TRPM3: variants seen among roughly 807,000 people sequenced by gnomAD.
TRPM3 encodes transient receptor potential cation channel subfamily M member 3, also known as long transient receptor potential channel 3.
In TRPM3, 77 loss-of-function variants were observed where a neutral mutation model predicts 181.2. The observed-to-expected ratio is 0.42, with a 90% confidence interval of 0.35 to 0.51. The LOEUF (loss-of-function observed/expected upper bound fraction) is 0.51, where lower values mean the gene tolerates loss of function less well. Ranked by LOEUF, TRPM3 falls within the 20% of genes least tolerant of loss-of-function variation. The pLI is 0.01. For missense variants in TRPM3, 1,759 were observed against 2,196.7 expected (o/e 0.80, Z 3.98); for synonymous variants, 745 against 796.4 (o/e 0.94, Z 1.09).
intron 1 of TRPM3, among the ~76,000 whole-genome samples, chr9:71,412,168 C>A (rs1401465333): frequency 1.3e-5 from 2 of 152,048 alleles, no homozygotes; most frequent in African/African-American, 4.8e-5. Context: ...TAGGCAATAC[C>A]ATTCAGGACA....
intron 7 of TRPM3, among the ~76,000 whole-genome samples, chr9:70,763,486 G>A (rs549919066): frequency 6.6e-6 from 1 of 152,048 alleles, no homozygotes; most frequent in South Asian, 2.1e-4. Context: ...TGGGTGACAG[G>A]GCCAGAACCT....
intron 1 of TRPM3, among the ~76,000 whole-genome samples, chr9:71,007,185 C>T (rs1017742865): frequency 4.0e-5 from 6 of 148,356 alleles, no homozygotes; most frequent in Admixed American, 2.7e-4. Flanking sequence ...CACATAAACC[C>T]AATATTGTGA....
intron 7 of TRPM3, among the ~76,000 whole-genome samples, chr9:70,780,732 T>C (rs1431723054): frequency 1.1e-4 from 17 of 152,202 alleles, no homozygotes; most frequent in Admixed American, 1.1e-3. Context: ...ATTGCTTTCC[T>C]GGAGCAAGAG....
At chr9:70,793,524 C>T (rs894387612) in intron 6 of TRPM3, 3 of 407,482 alleles carry the variant, frequency 7.4e-6, no homozygotes, top group African/African-American at 2.1e-5. Context: ...CATATAAACA[C>T]ATATAAACAT....
chr9:70,562,333 C>A (rs1287737814), intron 22 of TRPM3, among the ~76,000 whole-genome samples: 1 of 152,120 alleles, frequency 6.6e-6, no homozygotes, highest in Non-Finnish European at 1.5e-5. Flanking sequence ...ATCCCAGGAG[C>A]CAACTGTAGG....
chr9:71,056,517 C>T (rs1352857563), intron 1 of TRPM3, among the ~76,000 whole-genome samples: 1 of 151,892 alleles, frequency 6.6e-6, no homozygotes, highest in Non-Finnish European at 1.5e-5. Flanking sequence ...GTTTTGTCTG[C>T]CAAAATTCAT....
chr9:71,225,704 T>G (rs2080560142), intron 1 of TRPM3, among the ~76,000 whole-genome samples: 1 of 152,060 alleles, frequency 6.6e-6, no homozygotes, highest in Non-Finnish European at 1.5e-5. Context: ...GTCACCCAAG[T>G]TGGAATGCAG....
chr9:70,573,927 C>A (rs187277441), intron 22 of TRPM3, among the ~76,000 whole-genome samples: 152 of 151,160 alleles, frequency 1.0e-3, no homozygotes, highest in African/African-American at 3.5e-3. Context: ...GTTCTGGTAA[C>A]CCTTGGATTG....
chr9:71,181,663 T>C (rs1231248973), intron 1 of TRPM3, among the ~76,000 whole-genome samples: 5 of 152,114 alleles, frequency 3.3e-5, no homozygotes, highest in Admixed American at 3.3e-4. Flanking sequence ...TTTTTCTCTT[T>C]GAAACAAAAA....
intron 20 of TRPM3, among the ~76,000 whole-genome samples, chr9:70,599,805 T>A (rs2059574382): frequency 6.6e-6 from 1 of 152,214 alleles, no homozygotes; most frequent in Non-Finnish European, 1.5e-5. Context: ...TATCACTATA[T>A]GAAGTTATCT....
Position 71,443,104 on chromosome 9 carries a change from A to T in TRPM3, c.183+3549T>A, listed in dbSNP as rs145647035. Among the ~76,000 whole-genome samples the T allele has an allele frequency of 3.0e-3, 450 of 152,320 alleles. 2 individuals carry two copies. The highest frequency in any genetic ancestry group is 0.011 in the African/African-American group (439 of 41,568). On this transcript the variant is annotated intron_variant, in intron 1 of 24. Coordinates refer to the TRPM3 transcript ENST00000357533. ...AACATCTTTACATTTACTAAAAAAC[A>T]GTTTAGATTTGAAAAATGACCTATG...
intron 1 of TRPM3, among the ~76,000 whole-genome samples, chr9:71,138,785 G>T (rs1044177018): frequency 2.0e-5 from 3 of 151,914 alleles, no homozygotes; most frequent in Non-Finnish European, 4.4e-5. Flanking sequence ...TCTGTAACTG[G>T]CTCTTTGATC....
At chr9:71,369,813 G>A (rs1011831336) in intron 1 of TRPM3, among the ~76,000 whole-genome samples, 11 of 152,234 alleles carry the variant, frequency 7.2e-5, no homozygotes, top group African/African-American at 1.9e-4. Flanking sequence ...TCACTTTATT[G>A]TGCTTCATGG....
chr9:71,405,263 G>A (rs1176765707), intron 1 of TRPM3, among the ~76,000 whole-genome samples: 1 of 152,030 alleles, frequency 6.6e-6, no homozygotes, highest in Non-Finnish European at 1.5e-5. Flanking sequence ...TATATGCATG[G>A]CCTTATCCTA....
chr9:71,150,977 G>A (rs2075704396), intron 1 of TRPM3, among the ~76,000 whole-genome samples: 1 of 152,148 alleles, frequency 6.6e-6, no homozygotes, highest in Admixed American at 6.5e-5. Context: ...TGAATCAGCA[G>A]AAGAGATTAA....
intron 22 of TRPM3, among the ~76,000 whole-genome samples, chr9:70,585,422 T>C (rs753113508): frequency 5.3e-4 from 81 of 152,272 alleles, no homozygotes; most frequent in Non-Finnish European, 1.1e-3. Flanking sequence ...CCTGTCCAGC[T>C]TCTACTAAGC....
Position 71,121,430 on chromosome 9 carries a change from C to T in TRPM3, c.-76G>A, listed in dbSNP as rs1674482689. The T allele has an allele frequency of 6.5e-7, 1 of 1,538,400 alleles. No individual in the cohort carries two copies. The highest frequency in any genetic ancestry group is 2.0e-5 in the Admixed American group (1 of 50,376). ...GAACTTGGAAGACTAGTCAAGTAGC[C>T]TTGCCTGAGCCCCTGAACCTTCTTA... is the stretch of plus-strand genomic sequence containing the variant. On this transcript the variant is annotated 5_prime_UTR_variant, in exon 1 of 26. Coordinates refer to ENST00000677713, the MANE Select transcript of TRPM3 (RefSeq NM_001366145.2).
At chr9:70,957,480 C>T (rs1333129407) in intron 1 of TRPM3, among the ~76,000 whole-genome samples, 1 of 152,148 alleles carries the variant, frequency 6.6e-6, no homozygotes, top group East Asian at 1.9e-4. Flanking sequence ...AGCTTTGTCA[C>T]ACAGGGGTTG....
In TRPM3 at chr9:70,529,854, T is replaced by G. The variant is rs1362255441; in HGVS notation, c.*6099A>C. The G allele has an allele frequency of 1.3e-5, 2 of 152,226 alleles. No homozygotes were observed. Among genetic ancestry groups the G allele is most frequent in the Non-Finnish European group, 2.9e-5 (2 of 68,054 alleles). The allele number at this position is 152,226 out of a possible 1,614,324, so 9.4% of individuals were successfully genotyped here. ...AGGACAGTGTTTGGAAAGCTGAATT[T>G]GAAGGTGTTTGTGGTGGGATGTGTA... On this transcript the variant is annotated 3_prime_UTR_variant, in exon 26 of 26. Transcript: ENST00000677713.
Sources: allele counts gnomAD v4.1 joint callset (sites outside exome capture counted in the v4.1 genomes callset), GRCh38; gene constraint gnomAD v4.1.1; transcripts MANE v1.5; gene names NCBI Gene and HGNC (gene_info 2026-07-23, HGNC 2026-07-21).